LRRFIP1: variants seen among roughly 807,000 people sequenced by gnomAD.
LRRFIP1 encodes LRR binding FLII interacting protein 1.
A neutral mutation model predicts 104.4 loss-of-function variants in LRRFIP1; 62 were observed. The observed-to-expected ratio is 0.59, with a 90% confidence interval of 0.48 to 0.73. The LOEUF (loss-of-function observed/expected upper bound fraction) is 0.73. LRRFIP1 is among the 30% of genes least tolerant of loss of function. LRRFIP1 has a pLI of 0.00. For missense variants in LRRFIP1, 796 were observed against 824.5 expected, an observed-to-expected ratio of 0.97 and a Z score of 0.42; for synonymous variants, 300 against 299.0, an observed-to-expected ratio of 1.00 and a Z score of -0.03.
chr2:237,681,194 A>C (rs2091772252), intron 1 of LRRFIP1, among the ~76,000 whole-genome samples: 1 of 152,196 alleles, frequency 6.6e-6, no homozygotes, highest in African/African-American at 2.4e-5. Flanking sequence ...TCCTGAATAA[A>C]GTCCAAGTTC....
rs1052343349 is a variant in LRRFIP1 at position 237,682,888 on chromosome 2, A to T, written c.97-25656A>T. Among the ~76,000 whole-genome samples the T allele has an allele frequency of 2.0e-5, 3 of 152,218 alleles. No homozygotes were observed. The East Asian group carries it at 5.8e-4, about 29-fold the overall frequency. ...CTGTGGAACTGTTGGGGCCCCATCC[A>T]GCTGTATAAGCTGAGACATGAATGT... On this transcript the variant is annotated intron_variant, in intron 1 of 23. Coordinates refer to ENST00000308482, the MANE Select transcript of LRRFIP1 (RefSeq NM_001137550.2).
intron 11 of LRRFIP1, among the ~76,000 whole-genome samples, chr2:237,746,900 T>C (rs943629753): frequency 1.3e-5 from 2 of 152,212 alleles, no homozygotes; most frequent in East Asian, 3.8e-4. Flanking sequence ...AAAGGGCTTA[T>C]TTAGCAAAGA....
In LRRFIP1 at chr2:237,750,147, G is replaced by A. The variant is rs568303353; in HGVS notation, c.795+823G>A. ...TGGATGGCCGTTTGCCAGGGAGGAC[G>A]GAGAGGGATTTAAGCATCCACCAGA... On this transcript the variant is annotated intron_variant, in intron 13 of 23. Coordinates refer to ENST00000308482, the MANE Select transcript of LRRFIP1 (RefSeq NM_001137550.2). Among the ~76,000 whole-genome samples, 165 of 152,198 alleles carry A rather than the reference G, an allele frequency of 1.1e-3. 1 individual carries two copies. The Middle Eastern group carries it at 0.017, about 16-fold the overall frequency.
intron 1 of LRRFIP1, among the ~76,000 whole-genome samples, chr2:237,683,038 G>A (rs953593853): frequency 3.3e-5 from 5 of 152,224 alleles, no homozygotes; most frequent in African/African-American, 1.2e-4. Flanking sequence ...CATCTGGTGG[G>A]TGGAGCCAGG....
At chr2:237,628,521 G>T (rs1035107826) in intron 1 of LRRFIP1, among the ~76,000 whole-genome samples, 1 of 152,166 alleles carries the variant, frequency 6.6e-6, no homozygotes, top group African/African-American at 2.4e-5. Context: ...ACAGAGAGCA[G>T]CAGCTTGGGA....
chr2:237,733,236 G>C (rs75248140), intron 8 of LRRFIP1, among the ~76,000 whole-genome samples: 6 of 152,200 alleles, frequency 3.9e-5, no homozygotes, highest in Non-Finnish European at 7.3e-5. Flanking sequence ...CTTTGACAGG[G>C]CTAGACCGCG....
chr2:237,643,543 T>C (rs943078751), intron 1 of LRRFIP1, among the ~76,000 whole-genome samples: 6 of 152,234 alleles, frequency 3.9e-5, no homozygotes, highest in Admixed American at 3.9e-4. Context: ...ACCGTTACCA[T>C]TGCTGTGACC....
chr2:237,712,022 A>G (rs1340754255), intron 2 of LRRFIP1, among the ~76,000 whole-genome samples: 3 of 152,190 alleles, frequency 2.0e-5, no homozygotes, highest in Non-Finnish European at 4.4e-5. Context: ...GATCTTAAAT[A>G]AGATAGATGT....
At chr2:237,658,808 C>T (rs184969135) in intron 1 of LRRFIP1, among the ~76,000 whole-genome samples, 4 of 152,350 alleles carry the variant, frequency 2.6e-5, no homozygotes, top group East Asian at 1.9e-4. Flanking sequence ...CACCTGGTCT[C>T]TCCTTTGACA....
chr2:237,769,772 GCTGTGGCCTCATTCACCCCGTCCTGT>G (rs772559636), intron 19 of LRRFIP1, 145 bp from the exon 20 acceptor site: 133 of 610,256 alleles, frequency 2.2e-4, no homozygotes, highest in Non-Finnish European at 3.3e-4. Flanking sequence ...ACCTCCTTTG[GCTGTGGCCTCATTCACCCCGTCCTGT>G]CTGTGGCCTC....
intron 1 of LRRFIP1, among the ~76,000 whole-genome samples, chr2:237,676,805 GGAGATGGTTTTAAAACA>G (rs1018618020): frequency 6.6e-6 from 1 of 152,146 alleles, no homozygotes; most frequent in African/African-American, 2.4e-5. Context: ...GCCCGGCCCA[GGAGATGGTTTTAAAACA>G]GAGATGTGCC....
At chr2:237,736,507 G>A (rs1040352632) in intron 10 of LRRFIP1, among the ~76,000 whole-genome samples, 2 of 152,166 alleles carry the variant, frequency 1.3e-5, no homozygotes, top group African/African-American at 2.4e-5. Context: ...CAAGCACCAG[G>A]TGGTTTTCTG....
chr2:237,675,762 C>A (rs146123757), intron 1 of LRRFIP1, among the ~76,000 whole-genome samples: 2 of 152,090 alleles, frequency 1.3e-5, no homozygotes, highest in Non-Finnish European at 2.9e-5. Flanking sequence ...ATAAAAACAC[C>A]CATGGCTCCA....
Position 237,663,059 on chromosome 2 carries a change from G to A in LRRFIP1, c.96+35319G>A, listed in dbSNP as rs375617072. On this transcript the variant is annotated intron_variant, in intron 1 of 23. Transcript: ENST00000308482. ...GCCCTGCCCTGCGGGAGCCGGCAGG[G>A]AGCTGGAACACTGACACTTCAGTAA... Among the ~76,000 whole-genome samples, 82 of 152,262 alleles carry A rather than the reference G, an allele frequency of 5.4e-4. 1 individual carries two copies. Among genetic ancestry groups the A allele is most frequent in the African/African-American group, 1.8e-3 (74 of 41,548 alleles).
At chr2:237,674,608 G>A (rs1158036679) in intron 1 of LRRFIP1, among the ~76,000 whole-genome samples, 1 of 152,168 alleles carries the variant, frequency 6.6e-6, no homozygotes, top group Non-Finnish European at 1.5e-5. Flanking sequence ...AGGCCCAGAG[G>A]GATTCTTAAC....
At chr2:237,758,870 A>AG in intron 18 of LRRFIP1, 49 bp downstream of exon 18, 2 of 1,376,484 alleles carry the variant, frequency 1.5e-6, no homozygotes, top group Non-Finnish European at 2.0e-6. Context: ...AAAAAAATCC[A>AG]GGTGACAACA....
chr2:237,741,141 G>A (rs1364102176), intron 11 of LRRFIP1, among the ~76,000 whole-genome samples: 1 of 152,170 alleles, frequency 6.6e-6, no homozygotes, highest in African/African-American at 2.4e-5. Flanking sequence ...AGTGCGAGGC[G>A]GCAGCTACCA....
At chr2:237,767,683 A>G (rs900977114) in intron 19 of LRRFIP1, among the ~76,000 whole-genome samples, 3 of 152,226 alleles carry the variant, frequency 2.0e-5, no homozygotes, top group South Asian at 4.1e-4. Flanking sequence ...AGTTTCCACT[A>G]TCACTAGGAC....
At chr2:237,693,551 T>C (rs1365266734) in intron 1 of LRRFIP1, among the ~76,000 whole-genome samples, 1 of 152,182 alleles carries the variant, frequency 6.6e-6, no homozygotes, top group Admixed American at 6.5e-5. Flanking sequence ...GGGCCAGCCC[T>C]CTGGAGCCGG....
Sources: allele counts gnomAD v4.1 joint callset (sites outside exome capture counted in the v4.1 genomes callset), GRCh38; gene constraint gnomAD v4.1.1; transcripts MANE v1.5; gene names NCBI Gene and HGNC (gene_info 2026-07-23, HGNC 2026-07-21).